Variants in ZFHX3 observed in about 807,000 individuals in gnomAD.
ZFHX3 encodes zinc finger homeobox 3.
ZFHX3 carries 42 observed loss-of-function variants against 279.1 expected under a neutral mutation model. The observed-to-expected ratio is 0.15, with a 90% CI of 0.12 to 0.19. ZFHX3 has a LOEUF of 0.19. Ranked by LOEUF, ZFHX3 falls within the 10% of genes least tolerant of loss-of-function variation. The pLI, the probability that ZFHX3 is intolerant of heterozygous loss-of-function variation, is 1.00. For missense variants in ZFHX3, 4,981 were observed against 4,754.0 expected (o/e 1.05, Z -1.40); for synonymous variants, 2,293 against 1,957.8 (o/e 1.17, Z -4.52).
intron 5 of ZFHX3, among the ~76,000 whole-genome samples, chr16:73,253,843 G>A (rs2013584553): frequency 6.6e-6 from 1 of 152,120 alleles, no homozygotes; most frequent in Non-Finnish European, 1.5e-5. Context: ...TTGGGAGATT[G>A]ATTATGTGGC....
At chr16:73,359,546 G>A (rs1336490559) in intron 3 of ZFHX3, among the ~76,000 whole-genome samples, 1 of 152,188 alleles carries the variant, frequency 6.6e-6, no homozygotes, top group Non-Finnish European at 1.5e-5. Context: ...GCTGAGAGGT[G>A]CCATGTTCTT....
At chr16:72,870,506 G>A (rs948734140) in intron 4 of ZFHX3, among the ~76,000 whole-genome samples, 2 of 151,938 alleles carry the variant, frequency 1.3e-5, no homozygotes, top group Non-Finnish European at 2.9e-5. Flanking sequence ...TCAGGAGATC[G>A]AGACCATCCT....
intron 1 of ZFHX3, among the ~76,000 whole-genome samples, chr16:73,839,111 A>G (rs2142366984): frequency 6.6e-6 from 1 of 151,910 alleles, no homozygotes; most frequent in Non-Finnish European, 1.5e-5. Context: ...TGTATGTTAT[A>G]TTGGCCTGGT....
At chr16:73,063,617 C>G (rs1771623520), upstream of ZFHX3, among the ~76,000 whole-genome samples, 1 of 152,054 alleles carries the variant, frequency 6.6e-6, no homozygotes, top group Non-Finnish European at 1.5e-5. Flanking sequence ...ACCCCCCCTC[C>G]CCGTTTACGA....
At chr16:73,673,539 T>TA (rs1419268341) in intron 2 of ZFHX3, among the ~76,000 whole-genome samples, 1 of 151,634 alleles carries the variant, frequency 6.6e-6, no homozygotes, top group Non-Finnish European at 1.5e-5. Flanking sequence ...CCACCCGAGA[T>TA]AAAAAAGCTA....
intron 2 of ZFHX3, among the ~76,000 whole-genome samples, chr16:73,526,301 A>G (rs972096329): frequency 1.3e-5 from 2 of 152,228 alleles, no homozygotes; most frequent in South Asian, 2.1e-4. Context: ...GACAGGCCCA[A>G]TGAGGGCCAG....
At chr16:73,619,175 G>A (rs1482771950) in intron 2 of ZFHX3, among the ~76,000 whole-genome samples, 2 of 152,024 alleles carry the variant, frequency 1.3e-5, no homozygotes, top group Non-Finnish European at 1.5e-5. Context: ...ATAAAAATAA[G>A]CACTATGGAG....
chr16:73,110,911 T>C (rs1162034678), intron 7 of ZFHX3, among the ~76,000 whole-genome samples: 1 of 152,086 alleles, frequency 6.6e-6, no homozygotes, highest in Non-Finnish European at 1.5e-5. Flanking sequence ...TGCAGAATAA[T>C]AACAGTAAGG....
intron 2 of ZFHX3, among the ~76,000 whole-genome samples, chr16:73,535,952 G>T (rs2019894327): frequency 6.6e-6 from 1 of 151,964 alleles, no homozygotes; most frequent in Non-Finnish European, 1.5e-5. Flanking sequence ...TCTATCTCCT[G>T]ACCTCAGGAT....
rs182444209 is a variant in ZFHX3 at position 73,701,545 on chromosome 16, A to T, written c.-1607-21305T>A. ...CTGTAATACAATCTCTTCCAGAATA[A>T]TTTTTCTTTTTATTATTTCATTAAG... On this transcript the variant is annotated intron_variant, in intron 1 of 17. Coordinates refer to the ZFHX3 transcript ENST00000641206. 4.1e-3 allele frequency among the ~76,000 whole-genome samples: 631 copies of T among 152,252 alleles called. 4 individuals are homozygous for T. The highest frequency in any genetic ancestry group is 0.014 in the Middle Eastern group (4 of 294).
intron 3 of ZFHX3, among the ~76,000 whole-genome samples, chr16:73,364,740 A>T (rs2016500216): frequency 6.6e-6 from 1 of 152,168 alleles, no homozygotes; most frequent in Non-Finnish European, 1.5e-5. Flanking sequence ...GTTGGCTTGT[A>T]AGCACCCTGC....
Position 72,957,812 on chromosome 16 carries a change from A to AGCCGCC in ZFHX3, c.2333_2334insGGCGGC (p.Ala783_Ala784dup), listed in dbSNP as rs757794567. The AGCCGCC allele has an allele frequency of 1.0e-4, 164 of 1,582,072 alleles. 2 individuals carry two copies. Among genetic ancestry groups the AGCCGCC allele is most frequent in the Middle Eastern group, 6.7e-4 (4 of 5,994 alleles). Reference sequence around the variant, plus strand: ...TGATATTGGCTGCCGCCGCCGCCGCAGCCACCGCCGCCGCCGCCGCCCCGG... The same window carrying AGCCGCC: ...TGATATTGGCTGCCGCCGCCGCCGCAGCCGCCGCCACCGCCGCCGCCGCCGCCCCGG... On this transcript the variant is annotated inframe_insertion, in exon 2 of 10. Transcript: ENST00000268489.
Position 73,040,731 on chromosome 16 carries a change from C to T in ZFHX3, c.-50+7021G>A, listed in dbSNP as rs60212933. ...GGTAAGAAACGAAAGGTAGCAGAGG[C>T]CATCAGTAGCAAAGAAAGAAATGAA... On this transcript the variant is annotated intron_variant, in intron 1 of 9. Coordinates refer to ENST00000268489, the MANE Select transcript of ZFHX3 (RefSeq NM_006885.4). 2.5e-4 allele frequency among the ~76,000 whole-genome samples: 38 copies of T among 152,266 alleles called. No individual in the cohort carries two copies. The East Asian group carries it at 6.9e-3, about 28-fold the overall frequency.
chr16:73,754,472 T>G (rs1567399121), intron 1 of ZFHX3, among the ~76,000 whole-genome samples: 1 of 152,072 alleles, frequency 6.6e-6, no homozygotes, highest in Non-Finnish European at 1.5e-5. Flanking sequence ...CCCCCGAGAA[T>G]CATGGCATAC....
intron 2 of ZFHX3, among the ~76,000 whole-genome samples, chr16:73,635,829 T>G (rs1182749645): frequency 6.6e-6 from 1 of 152,234 alleles, no homozygotes; most frequent in Non-Finnish European, 1.5e-5. Flanking sequence ...ACTACCTTAT[T>G]TCATTCATTT....
At chr16:73,659,866 T>C (rs897992808) in intron 2 of ZFHX3, among the ~76,000 whole-genome samples, 1 of 152,158 alleles carries the variant, frequency 6.6e-6, no homozygotes, top group South Asian at 2.1e-4. Flanking sequence ...ACAAAGCCAT[T>C]TAATAAAAAT....
chr16:73,718,455 T>TC (rs965152304), intron 1 of ZFHX3, among the ~76,000 whole-genome samples: 14 of 151,804 alleles, frequency 9.2e-5, no homozygotes, highest in African/African-American at 3.4e-4. Context: ...CACAAGTCTC[T>TC]CCCTCCCTGC....
At chr16:73,724,432 C>G (rs59737684) in intron 1 of ZFHX3, among the ~76,000 whole-genome samples, 1 of 152,300 alleles carries the variant, frequency 6.6e-6, no homozygotes, top group East Asian at 1.9e-4. Flanking sequence ...AGCTCACATC[C>G]TCATGGGGCA....
At chr16:73,109,401 A>G (rs1184041595) in intron 7 of ZFHX3, among the ~76,000 whole-genome samples, 4 of 152,130 alleles carry the variant, frequency 2.6e-5, no homozygotes, top group African/African-American at 9.7e-5. Context: ...TAACCAACAT[A>G]AATGTGATTG....
Sources: allele counts gnomAD v4.1 joint callset (sites outside exome capture counted in the v4.1 genomes callset), GRCh38; gene constraint gnomAD v4.1.1; transcripts MANE v1.5; gene names NCBI Gene and HGNC (gene_info 2026-07-23, HGNC 2026-07-21).